The following KCNMA1 variants were observed in gnomAD, a reference collection of about 807,000 sequenced individuals.
KCNMA1 encodes Calcium-activated potassium channel subunit alpha-1.
KCNMA1 carries 29 observed loss-of-function variants against 140.0 expected under a neutral mutation model. The observed-to-expected ratio is 0.21, with a 90% CI of 0.15 to 0.28. The LOEUF is 0.28. Ranked by LOEUF, KCNMA1 falls within the 10% of genes least tolerant of loss-of-function variation. The pLI, the probability that KCNMA1 is intolerant of heterozygous loss-of-function variation, is 1.00. For missense variants in KCNMA1, 880 were observed against 1,602.2 expected, an observed-to-expected ratio of 0.55 and a Z score of 7.70; for synonymous variants, 612 against 611.9, an observed-to-expected ratio of 1.00 and a Z score of 0.00.
intron 16 of KCNMA1, among the ~76,000 whole-genome samples, chr10:77,025,825 G>A (rs1434972500): frequency 1.3e-5 from 2 of 152,086 alleles, no homozygotes; most frequent in African/African-American, 4.8e-5. Context: ...GATAAGTCCT[G>A]TGTTTTCTCA....
chr10:77,109,566 G>A (rs1044681233), intron 8 of KCNMA1, among the ~76,000 whole-genome samples: 4 of 152,180 alleles, frequency 2.6e-5, no homozygotes, highest in African/African-American at 9.6e-5. Flanking sequence ...AACTTTCTTA[G>A]AAGAAAGGAG....
At position 77,018,999 on chromosome 10, in the gene KCNMA1, A is replaced by C; in HGVS notation, c.2015+14T>G. 2 of 1,482,674 alleles carry C rather than the reference A, an allele frequency of 1.3e-6. No homozygotes were observed. Among genetic ancestry groups the C allele is most frequent in the Non-Finnish European group, 1.9e-6 (2 of 1,060,570 alleles). The allele number at this position is 1,482,674 out of a possible 1,614,324, so 91.8% of individuals were successfully genotyped here. ...CCGGGCCAGAAAGAAAGCCAGTTGA[A>C]AATAAACTCTTACCTTTTAACTTCT... On this transcript the variant is annotated intron_variant, in intron 17 of 27. Coordinates refer to ENST00000286628, the MANE Select transcript of KCNMA1 (RefSeq NM_001161352.2).
intron 23 of KCNMA1, among the ~76,000 whole-genome samples, chr10:76,943,540 G>A (rs529429244): frequency 6.6e-6 from 1 of 152,286 alleles, no homozygotes; most frequent in African/African-American, 2.4e-5. Context: ...AAGCTCATCT[G>A]ATAGAAGATT....
chr10:77,333,291 G>A (rs1367806882), intron 2 of KCNMA1, among the ~76,000 whole-genome samples: 1 of 149,784 alleles, frequency 6.7e-6, no homozygotes, highest in African/African-American at 2.5e-5. Flanking sequence ...AGTACTTTGG[G>A]AGGATTGAAC....
In KCNMA1 at chr10:76,886,553, A is replaced by G; in HGVS notation, c.*713T>C. The G allele has an allele frequency of 1.0e-6, 1 of 985,922 alleles. No homozygotes were observed. The highest frequency in any genetic ancestry group is 1.2e-6 in the Non-Finnish European group (1 of 830,300). 61.1% of individuals were successfully genotyped at this position (985,922 alleles called of 1,614,324 possible). A position where few individuals can be genotyped will look rare whatever the true frequency, so the allele number is the denominator to read the frequency against. ...AATTTGATACATCCATGATTGGAAT[A>G]CTATTCTCTCCTCCATATTAAGGTG... On this transcript the variant is annotated 3_prime_UTR_variant, in exon 28 of 28. Transcript: ENST00000286628.
Position 76,927,976 on chromosome 10 carries a change from C to T in KCNMA1, c.2903-12927G>A, listed in dbSNP as rs147483871. On this transcript the variant is annotated intron_variant, in intron 23 of 27. Coordinates refer to ENST00000286628, the MANE Select transcript of KCNMA1 (RefSeq NM_001161352.2). ...AGGAAAAGGAAAATGCAACTTGGAACTCTTTAATTTCAGGAGAAATATTCA... is the reference window on the plus strand; with the variant it reads ...AGGAAAAGGAAAATGCAACTTGGAATTCTTTAATTTCAGGAGAAATATTCA... Among the ~76,000 whole-genome samples the T allele has an allele frequency of 4.6e-5, 7 of 152,216 alleles. No individual in the cohort carries two copies. The East Asian group carries it at 1.4e-3, about 29-fold the overall frequency.
At chr10:76,912,845 C>T (rs1032613006) in intron 24 of KCNMA1, 3 of 152,180 alleles carry the variant, frequency 2.0e-5, no homozygotes, top group Non-Finnish European at 2.9e-5. Context: ...CACATGAGCC[C>T]TGGGTCTCTT....
At chr10:77,037,433 G>GTATGATAC (rs2094406787) in intron 15 of KCNMA1, among the ~76,000 whole-genome samples, 2 of 152,276 alleles carry the variant, frequency 1.3e-5, no homozygotes, top group Admixed American at 1.3e-4. Context: ...GGAAATATCA[G>GTATGATAC]CAACTAGTTG....
Position 77,472,436 on chromosome 10 carries a change from G to A in KCNMA1, c.379-68413C>T, listed in dbSNP as rs369951959. On this transcript the variant is annotated intron_variant, in intron 1 of 27. Transcript: ENST00000286628. The stretch of plus-strand genomic sequence containing the variant: ...CACATAGCACACCTAGGCACACTAT[G>A]CACGTCACACACACATCACACACAC... 1.1e-4 allele frequency among the ~76,000 whole-genome samples: 14 copies of A among 126,732 alleles called. No individual in the cohort carries two copies. The East Asian group carries it at 2.0e-3, about 18-fold the overall frequency. 83.1% of individuals were successfully genotyped at this position (126,732 alleles called of 152,430 possible).
At chr10:77,410,930 T>C (rs897488683) in intron 1 of KCNMA1, among the ~76,000 whole-genome samples, 1 of 152,254 alleles carries the variant, frequency 6.6e-6, no homozygotes, top group African/African-American at 2.4e-5. Flanking sequence ...GTCTGCCACC[T>C]GCTTCCTTTA....
At chr10:76,952,296 G>T in intron 21 of KCNMA1, 1 of 884,676 alleles carries the variant, frequency 1.1e-6, no homozygotes, top group Non-Finnish European at 1.7e-6. Context: ...CAAGGTTGGC[G>T]GATCATGAGC....
intron 3 of KCNMA1, among the ~76,000 whole-genome samples, chr10:77,189,681 T>G (rs1028627822): frequency 1.3e-5 from 2 of 152,104 alleles, no homozygotes; most frequent in African/African-American, 4.8e-5. Context: ...TGAAATAATT[T>G]CCAACGTTCA....
chr10:77,492,874 C>T (rs995245438), intron 1 of KCNMA1, among the ~76,000 whole-genome samples: 26 of 152,320 alleles, frequency 1.7e-4, no homozygotes, highest in African/African-American at 6.3e-4. Context: ...ATGTGTTATG[C>T]AATGTACTAA....
intron 14 of KCNMA1, among the ~76,000 whole-genome samples, chr10:77,065,476 GT>G (rs1417821396): frequency 6.6e-6 from 1 of 152,164 alleles, no homozygotes; most frequent in Non-Finnish European, 1.5e-5. Flanking sequence ...TATGAGCTTA[GT>G]TACTTTCTTC....
chr10:77,502,599 T>C (rs1293975081), intron 1 of KCNMA1, among the ~76,000 whole-genome samples: 2 of 152,128 alleles, frequency 1.3e-5, no homozygotes, highest in Non-Finnish European at 2.9e-5. Context: ...CCCACATCTC[T>C]GGCACCCCCA....
At chr10:77,117,108 C>T (rs573964707) in intron 6 of KCNMA1, among the ~76,000 whole-genome samples, 1 of 152,266 alleles carries the variant, frequency 6.6e-6, no homozygotes, top group South Asian at 2.1e-4. Context: ...ATGACTCATG[C>T]ATATCATGGA....
At chr10:77,415,197 A>G (rs1418722962) in intron 1 of KCNMA1, among the ~76,000 whole-genome samples, 1 of 152,224 alleles carries the variant, frequency 6.6e-6, no homozygotes, top group Non-Finnish European at 1.5e-5. Flanking sequence ...TAAAATTAGT[A>G]AGGCAACCTC....
chr10:77,364,044 C>T (rs1375160644), intron 2 of KCNMA1, among the ~76,000 whole-genome samples: 3 of 152,210 alleles, frequency 2.0e-5, no homozygotes, highest in Non-Finnish European at 2.9e-5. Flanking sequence ...AGATCCTCAA[C>T]AACCTTTGTT....
chr10:77,086,707 A>G (rs2153774457), intron 10 of KCNMA1, 114 bp from the exon 11 acceptor site: 1 of 753,422 alleles, frequency 1.3e-6, no homozygotes, highest in South Asian at 1.5e-5. Flanking sequence ...GCTGTGACCT[A>G]CAGTCACCCT....
Sources: gnomAD v4.1 joint callset for allele counts (sites outside exome capture counted in the v4.1 genomes callset) on GRCh38, gnomAD v4.1.1 for gene constraint, MANE v1.5 for transcripts, NCBI Gene and HGNC (gene_info 2026-07-23, HGNC 2026-07-21) for gene names.